The following GPATCH2 variants were observed in gnomAD, a reference collection of about 807,000 sequenced individuals.
The protein encoded by GPATCH2 is G patch domain-containing protein 2.
A neutral mutation model predicts 58.0 loss-of-function variants in GPATCH2; 51 were observed. The observed-to-expected ratio is 0.88, with a 90% CI of 0.70 to 1.11. The LOEUF is 1.11. GPATCH2 is among the 50% of genes most tolerant of loss of function. The pLI, the probability that GPATCH2 is intolerant of heterozygous loss-of-function variation, is 0.00. For missense variants in GPATCH2, 625 were observed against 652.2 expected (o/e 0.96, Z 0.45); for synonymous variants, 222 against 218.5 (o/e 1.02, Z -0.14).
intron 5 of GPATCH2, among the ~76,000 whole-genome samples, chr1:217,529,961 GC>G (rs1664107275): frequency 6.6e-6 from 1 of 152,090 alleles, no homozygotes; most frequent in Admixed American, 6.5e-5. Flanking sequence ...ACTAGTTTAA[GC>G]TTTTTCACTG....
chr1:217,546,424 T>C (rs1029542816), intron 5 of GPATCH2, among the ~76,000 whole-genome samples: 15 of 152,032 alleles, frequency 9.9e-5, no homozygotes, highest in African/African-American at 3.4e-4. Flanking sequence ...CATAGGCCAA[T>C]GGAATATAAC....
chr1:217,556,229 T>C (rs192296958), intron 5 of GPATCH2, among the ~76,000 whole-genome samples: 229 of 152,260 alleles, frequency 1.5e-3, no homozygotes, highest in African/African-American at 1.8e-3. Context: ...ACCACACGAA[T>C]AGTTTAAGGA....
chr1:217,445,933 T>A (rs1377636504), intron 9 of GPATCH2, among the ~76,000 whole-genome samples: 1 of 152,148 alleles, frequency 6.6e-6, no homozygotes, highest in African/African-American at 2.4e-5. Flanking sequence ...CTTTAAATCT[T>A]TTATTAAAAG....
At chr1:217,524,554 A>G (rs1309882993) in intron 5 of GPATCH2, among the ~76,000 whole-genome samples, 3 of 151,712 alleles carry the variant, frequency 2.0e-5, no homozygotes, top group African/African-American at 7.2e-5. Context: ...ACGCCACTGC[A>G]CTCCAGCCTC....
rs560447949 is a variant in GPATCH2, at chr1:217,593,987, T to C, written c.1098+16334A>G. The stretch of plus-strand genomic sequence containing the variant: ...TTCAGGTAATGAATCTTAAGGAGTA[T>C]GCAAATAATTTCTAAGCAGTTTAAC... On this transcript the variant is annotated intron_variant, in intron 5 of 9. Coordinates refer to ENST00000366935, the MANE Select transcript of GPATCH2 (RefSeq NM_018040.5). 1.2e-4 allele frequency among the ~76,000 whole-genome samples: 18 copies of C among 152,242 alleles called. No homozygotes were observed. The East Asian group carries it at 2.5e-3, about 21-fold the overall frequency.
rs146399799 is a variant in GPATCH2 at position 217,464,627 on chromosome 1, G to T, written c.1278-15290C>A. Among the ~76,000 whole-genome samples the T allele has an allele frequency of 9.6e-3, 1,465 of 152,240 alleles. 11 individuals carry two copies. The highest frequency in any genetic ancestry group is 0.048 in the Middle Eastern group (14 of 294). On this transcript the variant is annotated intron_variant, in intron 8 of 9. Coordinates refer to ENST00000366935, the MANE Select transcript of GPATCH2 (RefSeq NM_018040.5). Reference sequence around the variant, plus strand: ...AAGGAAAAACAGTGGAAGTAGAAGCGAACTGGAGCAGAACAGAGGCCAAGG... The same window carrying T: ...AAGGAAAAACAGTGGAAGTAGAAGCTAACTGGAGCAGAACAGAGGCCAAGG...
intron 5 of GPATCH2, among the ~76,000 whole-genome samples, chr1:217,572,557 A>T (rs958632221): frequency 6.6e-6 from 1 of 152,232 alleles, no homozygotes; most frequent in African/African-American, 2.4e-5. Context: ...TCTGCACAAC[A>T]ACCCCAATGA....
chr1:217,473,071 GGC>G (rs1660803780), intron 8 of GPATCH2, among the ~76,000 whole-genome samples: 1 of 152,200 alleles, frequency 6.6e-6, no homozygotes, highest in Non-Finnish European at 1.5e-5. Context: ...AGCCTTGGGA[GGC>G]TGCTCACAAT....
chr1:217,619,585 T>C (rs1349475403), intron 2 of GPATCH2, among the ~76,000 whole-genome samples, 198 bp downstream of exon 2: 2 of 152,156 alleles, frequency 1.3e-5, no homozygotes, highest in African/African-American at 2.4e-5. Flanking sequence ...TCAAAAGACT[T>C]TGTGTAAATC....
At chr1:217,552,721 C>A (rs1665425255) in intron 5 of GPATCH2, among the ~76,000 whole-genome samples, 1 of 152,100 alleles carries the variant, frequency 6.6e-6, no homozygotes, top group Non-Finnish European at 1.5e-5. Context: ...GCTAGGTCTA[C>A]AGAGATGAAA....
chr1:217,505,561 G>A (rs2102561434), intron 6 of GPATCH2, among the ~76,000 whole-genome samples: 1 of 152,248 alleles, frequency 6.6e-6, no homozygotes. Flanking sequence ...AATATTATAT[G>A]TAGACAAAAG....
intron 5 of GPATCH2, among the ~76,000 whole-genome samples, chr1:217,598,936 TATA>T (rs1667984484): frequency 6.6e-6 from 1 of 152,056 alleles, no homozygotes; most frequent in African/African-American, 2.4e-5. Flanking sequence ...AGACAGAAGA[TATA>T]ATGCCATTTC....
intron 8 of GPATCH2, among the ~76,000 whole-genome samples, chr1:217,467,239 C>T (rs1231735323): frequency 1.3e-5 from 2 of 152,156 alleles, no homozygotes; most frequent in Admixed American, 1.3e-4. Flanking sequence ...AGAAGCGAGA[C>T]TTCTTTGAAA....
intron 5 of GPATCH2, among the ~76,000 whole-genome samples, chr1:217,538,993 A>G (rs910822478): frequency 1.3e-5 from 2 of 152,154 alleles, no homozygotes; most frequent in African/African-American, 4.8e-5. Flanking sequence ...AGGTGTATCA[A>G]TGTGGACAAG....
At chr1:217,494,215 T>C (rs1661893965) in intron 7 of GPATCH2, among the ~76,000 whole-genome samples, 1 of 152,190 alleles carries the variant, frequency 6.6e-6, no homozygotes, top group Admixed American at 6.5e-5. Flanking sequence ...AACAATGGCA[T>C]TACTTAATGC....
At chr1:217,439,259 G>A in intron 9 of GPATCH2, among the ~76,000 whole-genome samples, 1 of 152,150 alleles carries the variant, frequency 6.6e-6, no homozygotes, top group Non-Finnish European at 1.5e-5. Flanking sequence ...ACCTGCTCCT[G>A]AATGACTACT....
intron 8 of GPATCH2, among the ~76,000 whole-genome samples, chr1:217,483,228 A>G (rs1373729410): frequency 6.6e-6 from 1 of 152,200 alleles, no homozygotes; most frequent in Non-Finnish European, 1.5e-5. Context: ...TCTGTCGCCC[A>G]GGCTAGAGTG....
At chr1:217,439,407 A>G (rs992900620) in intron 9 of GPATCH2, among the ~76,000 whole-genome samples, 4 of 152,250 alleles carry the variant, frequency 2.6e-5, no homozygotes, top group Non-Finnish European at 4.4e-5. Context: ...TGCCCAAAGG[A>G]GAAAGTGGGA....
rs2102533279 is a variant in GPATCH2 at position 217,491,663 on chromosome 1, G to A, written c.1277+17C>T. The A allele has an allele frequency of 5.5e-6, 7 of 1,270,378 alleles. No homozygotes were observed. Among genetic ancestry groups the A allele is most frequent in the East Asian group, 2.4e-5 (1 of 41,154 alleles). The allele number at this position is 1,270,378 out of a possible 1,614,324, so 78.7% of individuals were successfully genotyped here. ...AAAAGAAAATGAATGAATAAAAAGCGATTTTGAATTGCTTACCTGCTGGCT... is the reference window on the plus strand; with the variant it reads ...AAAAGAAAATGAATGAATAAAAAGCAATTTTGAATTGCTTACCTGCTGGCT... On this transcript the variant is annotated intron_variant, in intron 8 of 9. Transcript: ENST00000366935.
Sources: allele counts gnomAD v4.1 joint callset (sites outside exome capture counted in the v4.1 genomes callset), GRCh38; gene constraint gnomAD v4.1.1; transcripts MANE v1.5; gene names NCBI Gene and HGNC (gene_info 2026-07-23, HGNC 2026-07-21).